The following SDK1 variants were observed in gnomAD, a reference collection of about 807,000 sequenced individuals.
The protein encoded by SDK1 is protein sidekick-1.
Under a neutral mutation model 245.5 loss-of-function variants are expected in SDK1, and 157 were observed. That is an observed-to-expected ratio of 0.64 (90% CI 0.56 to 0.73). SDK1 has a LOEUF of 0.73. Among genes scored for constraint, SDK1 ranks in the 30% least tolerant of loss-of-function variants. SDK1 has a pLI of 0.00. For synonymous variants in SDK1, 1,647 were observed against 1,278.5 expected (o/e 1.29, Z -6.15); for missense variants, 3,583 against 3,002.3 (o/e 1.19, Z -4.52).
chr7:3,762,853 A>G (rs565905482), intron 4 of SDK1, among the ~76,000 whole-genome samples: 1 of 152,356 alleles, frequency 6.6e-6, no homozygotes, highest in East Asian at 1.9e-4. Flanking sequence ...TTATAAAATC[A>G]CACATTTAAA....
At chr7:3,476,673 G>T (rs1172313246) in intron 1 of SDK1, among the ~76,000 whole-genome samples, 1 of 152,016 alleles carries the variant, frequency 6.6e-6, no homozygotes, top group Non-Finnish European at 1.5e-5. Flanking sequence ...AGTTAATTTT[G>T]TCAGTCACTT....
At chr7:3,402,970 A>G (rs1778929609) in intron 1 of SDK1, among the ~76,000 whole-genome samples, 1 of 152,030 alleles carries the variant, frequency 6.6e-6, no homozygotes, top group African/African-American at 2.4e-5. Flanking sequence ...TTTTTGAGAC[A>G]GAGTTTCACT....
intron 14 of SDK1, among the ~76,000 whole-genome samples, chr7:3,991,099 A>C (rs1361317003): frequency 1.3e-5 from 2 of 152,212 alleles, no homozygotes; most frequent in Non-Finnish European, 2.9e-5. Flanking sequence ...GTTCCCGGCT[A>C]GGTACGTACA....
chr7:3,393,924 A>G (rs1781826085), intron 1 of SDK1, among the ~76,000 whole-genome samples: 1 of 152,088 alleles, frequency 6.6e-6, no homozygotes, highest in African/African-American at 2.4e-5. Flanking sequence ...TCTGAGCTTT[A>G]AAGAGTTAGG....
At chr7:3,721,293 T>C (rs1778786362) in intron 4 of SDK1, among the ~76,000 whole-genome samples, 1 of 152,228 alleles carries the variant, frequency 6.6e-6, no homozygotes, top group Non-Finnish European at 1.5e-5. Flanking sequence ...ATACTCTCTA[T>C]GAATTCTCCC....
intron 8 of SDK1, 99 bp from the exon 9 acceptor site, chr7:3,962,558 C>G: frequency 9.5e-7 from 1 of 1,047,466 alleles, no homozygotes; most frequent in Non-Finnish European, 1.4e-6. Flanking sequence ...AAGAAAATGC[C>G]TATTAAAATA....
chr7:3,753,848 C>A (rs1779844148), intron 4 of SDK1, among the ~76,000 whole-genome samples: 1 of 152,072 alleles, frequency 6.6e-6, no homozygotes, highest in South Asian at 2.1e-4. Context: ...GTATTACTGT[C>A]CTTATTTTCT....
chr7:3,684,607 T>C (rs911497005), intron 4 of SDK1, among the ~76,000 whole-genome samples: 1 of 152,194 alleles, frequency 6.6e-6, no homozygotes, highest in African/African-American at 2.4e-5. Context: ...TTTATCATAC[T>C]TAGAACCAGC....
chr7:4,254,216 C>G (rs1020083860), intron 44 of SDK1, among the ~76,000 whole-genome samples: 8 of 151,168 alleles, frequency 5.3e-5, no homozygotes, highest in African/African-American at 1.7e-4. Flanking sequence ...TGTTTTTTTG[C>G]TTTTTTCTCT....
intron 4 of SDK1, among the ~76,000 whole-genome samples, chr7:3,700,786 C>T (rs1173800341): frequency 2.0e-5 from 3 of 152,126 alleles, no homozygotes; most frequent in Non-Finnish European, 4.4e-5. Flanking sequence ...TATACTTTTG[C>T]ACTTTTTGTT....
intron 14 of SDK1, among the ~76,000 whole-genome samples, chr7:4,000,009 T>G (rs975896191): frequency 6.6e-6 from 1 of 152,134 alleles, no homozygotes; most frequent in Non-Finnish European, 1.5e-5. Context: ...AAGATTAACC[T>G]GGCAGTGGCC....
At chr7:3,764,116 C>T (rs886306082) in intron 4 of SDK1, among the ~76,000 whole-genome samples, 3 of 152,134 alleles carry the variant, frequency 2.0e-5, no homozygotes, top group Admixed American at 6.5e-5. Context: ...TTATAATACT[C>T]GTATTTTTAT....
intron 5 of SDK1, among the ~76,000 whole-genome samples, chr7:3,884,110 T>C: frequency 6.6e-6 from 1 of 150,946 alleles, no homozygotes; most frequent in East Asian, 2.0e-4. Context: ...AGACAGGGTC[T>C]CGCTGTGTCA....
chr7:3,489,933 TA>T (rs1781818257), intron 1 of SDK1, among the ~76,000 whole-genome samples: 1 of 152,182 alleles, frequency 6.6e-6, no homozygotes, highest in Non-Finnish European at 1.5e-5. Context: ...CAATTACACA[TA>T]AAATAGTCAA....
rs577698541 is a variant in SDK1, at chr7:3,642,647, G to T, written c.713+542G>T. ...CCATCTATTGCAGAATAGTTGCTTT[G>T]TGATTAGTTAGGCAAGAACATCTTG... On this transcript the variant is annotated intron_variant, in intron 4 of 44. Transcript: ENST00000404826. Among the ~76,000 whole-genome samples the T allele has an allele frequency of 5.3e-5, 8 of 152,288 alleles. No homozygotes were observed. In the South Asian group the frequency reaches 1.7e-3, roughly 32 times the overall value.
At chr7:3,672,399 G>C (rs771455883) in intron 4 of SDK1, among the ~76,000 whole-genome samples, 30 of 151,438 alleles carry the variant, frequency 2.0e-4, no homozygotes, top group Non-Finnish European at 4.1e-4. Flanking sequence ...CAACATGAAA[G>C]ATGAAAGCTG....
chr7:3,436,337 A>T lies in SDK1; in HGVS notation c.298+134453A>T, dbSNP rs573863078. Reference sequence around the variant, plus strand: ...CGAAATAATTGATTAAAAAGTGTGCAATATTGGTTTTCATTGAACTTAAGC... The same window carrying T: ...CGAAATAATTGATTAAAAAGTGTGCTATATTGGTTTTCATTGAACTTAAGC... On this transcript the variant is annotated intron_variant, in intron 1 of 44. Coordinates refer to ENST00000404826, the MANE Select transcript of SDK1 (RefSeq NM_152744.4). 1.4e-3 allele frequency among the ~76,000 whole-genome samples: 219 copies of T among 152,286 alleles called. 13 individuals are homozygous for T. The highest frequency in any genetic ancestry group is 1.9e-3 in the South Asian group (9 of 4,816).
At chr7:3,990,562 G>C (rs1316482916) in intron 14 of SDK1, among the ~76,000 whole-genome samples, 1 of 152,216 alleles carries the variant, frequency 6.6e-6, no homozygotes, top group Non-Finnish European at 1.5e-5. Flanking sequence ...TCTGGACGGA[G>C]AGAATGGGAC....
chr7:4,137,764 T>G (rs1486974297), intron 28 of SDK1, among the ~76,000 whole-genome samples: 2 of 152,244 alleles, frequency 1.3e-5, no homozygotes, highest in Non-Finnish European at 2.9e-5. Context: ...CTTCTGGCCT[T>G]GCGTCGCTGA....
Sources: allele counts gnomAD v4.1 joint callset (sites outside exome capture counted in the v4.1 genomes callset), GRCh38; gene constraint gnomAD v4.1.1; transcripts MANE v1.5; gene names NCBI Gene and HGNC (gene_info 2026-07-23, HGNC 2026-07-21).